CSMD1: variants seen among roughly 807,000 people sequenced by gnomAD.
The protein encoded by CSMD1 is CUB and sushi domain-containing protein 1.
CSMD1 carries 213 observed loss-of-function variants against 417.5 expected under a neutral mutation model. The ratio of observed to expected loss-of-function variants is 0.51; its 90% CI spans 0.46 to 0.57. CSMD1 has a LOEUF of 0.57. Among genes scored for constraint, CSMD1 ranks in the 20% least tolerant of loss-of-function variants. CSMD1 has a pLI of 0.00. For synonymous variants in CSMD1, 2,862 were observed against 1,736.8 expected, an observed-to-expected ratio of 1.65 and a Z score of -16.11; for missense variants, 6,923 against 4,529.7, an observed-to-expected ratio of 1.53 and a Z score of -15.17.
At chr8:3,850,228 CAAAA>C (rs1370646592) in intron 5 of CSMD1, among the ~76,000 whole-genome samples, 10 of 152,308 alleles carry the variant, frequency 6.6e-5, no homozygotes, top group African/African-American at 2.4e-4. Context: ...AGGCTCCAAA[CAAAA>C]GAATAAAAAA....
chr8:4,592,047 T>A (rs897411067), intron 2 of CSMD1, among the ~76,000 whole-genome samples: 16 of 152,076 alleles, frequency 1.1e-4, no homozygotes, highest in Admixed American at 4.6e-4. Context: ...TATGGACCAT[T>A]GCATCTGAGG....
At chr8:4,604,600 G>T (rs1056771994) in intron 2 of CSMD1, among the ~76,000 whole-genome samples, 6 of 152,122 alleles carry the variant, frequency 3.9e-5, no homozygotes, top group African/African-American at 1.4e-4. Context: ...GCTTAAAAAT[G>T]TTAAAAAGTG....
At chr8:4,200,377 C>T (rs186610687) in intron 3 of CSMD1, among the ~76,000 whole-genome samples, 46 of 151,990 alleles carry the variant, frequency 3.0e-4, no homozygotes, top group African/African-American at 9.7e-4. Flanking sequence ...AAAAGAAATA[C>T]AACTTTAAAA....
chr8:4,916,095 G>C (rs1328432457), intron 1 of CSMD1, among the ~76,000 whole-genome samples: 1 of 152,210 alleles, frequency 6.6e-6, no homozygotes, highest in African/African-American at 2.4e-5. Flanking sequence ...ATGCCAGAAA[G>C]ACAGGTGGTG....
chr8:4,230,149 C>A (rs183325149), intron 3 of CSMD1, among the ~76,000 whole-genome samples: 1 of 152,248 alleles, frequency 6.6e-6, no homozygotes, highest in South Asian at 2.1e-4. Flanking sequence ...TGACATATTG[C>A]AGTGCTGGGT....
intron 49 of CSMD1, among the ~76,000 whole-genome samples, chr8:3,071,085 A>G (rs1209817690): frequency 1.3e-5 from 2 of 152,140 alleles, no homozygotes; most frequent in Non-Finnish European, 2.9e-5. Flanking sequence ...GGGATGCCAC[A>G]CACCCAGGTC....
chr8:4,281,862 A>T (rs1047457193), intron 3 of CSMD1, among the ~76,000 whole-genome samples: 1 of 152,182 alleles, frequency 6.6e-6, no homozygotes, highest in African/African-American at 2.4e-5. Context: ...AACATGCATT[A>T]AAAAAATGTT....
intron 15 of CSMD1, among the ~76,000 whole-genome samples, chr8:3,402,472 A>T (rs905225468): frequency 6.6e-6 from 1 of 152,180 alleles, no homozygotes; most frequent in Non-Finnish European, 1.5e-5. Flanking sequence ...GAGGAATACG[A>T]GCCTGTTAGA....
At chr8:3,202,521 G>T (rs1407137672) in intron 31 of CSMD1, among the ~76,000 whole-genome samples, 1 of 152,172 alleles carries the variant, frequency 6.6e-6, no homozygotes, top group Non-Finnish European at 1.5e-5. Context: ...TATTCAGATT[G>T]ACGATACAGA....
At chr8:4,033,588 A>C (rs1241913432) in intron 3 of CSMD1, among the ~76,000 whole-genome samples, 13 of 152,226 alleles carry the variant, frequency 8.5e-5, no homozygotes, top group Admixed American at 8.5e-4. Flanking sequence ...TACAATGTGT[A>C]AAACTAAGTT....
At chr8:3,915,056 G>C (rs567111191) in intron 5 of CSMD1, among the ~76,000 whole-genome samples, 166 of 152,210 alleles carry the variant, frequency 1.1e-3, no homozygotes, top group East Asian at 2.3e-3. Flanking sequence ...TACAGGCAGG[G>C]AATAGTTATT....
At chr8:4,045,536 G>A (rs2554558) in intron 3 of CSMD1, among the ~76,000 whole-genome samples, 1 of 151,932 alleles carries the variant, frequency 6.6e-6, no homozygotes, top group African/African-American at 2.4e-5. Context: ...CCTGTGGGCA[G>A]CAGATGCTGT....
intron 1 of CSMD1, among the ~76,000 whole-genome samples, chr8:4,924,581 G>A (rs1443023098): frequency 6.6e-6 from 1 of 151,898 alleles, no homozygotes; most frequent in African/African-American, 2.4e-5. Context: ...AATTAGCCTG[G>A]TGTGGTGGCC....
intron 2 of CSMD1, among the ~76,000 whole-genome samples, chr8:4,435,059 T>C (rs1798077728): frequency 6.6e-6 from 1 of 152,098 alleles, no homozygotes; most frequent in African/African-American, 2.4e-5. Context: ...ATAGTTTGTG[T>C]GTAATATATC....
intron 3 of CSMD1, among the ~76,000 whole-genome samples, chr8:4,134,106 C>T (rs1803274262): frequency 1.3e-5 from 2 of 151,990 alleles, no homozygotes; most frequent in African/African-American, 4.8e-5. Context: ...ATCAATATTG[C>T]TGGTATAAGA....
rs182022786 is a variant in CSMD1, at chr8:3,675,068, C to T, written c.1009+33346G>A. Among the ~76,000 whole-genome samples, 7 of 152,270 alleles carry T rather than the reference C, an allele frequency of 4.6e-5. No individual in the cohort carries two copies. The South Asian group carries it at 6.2e-4, about 14-fold the overall frequency. On this transcript the variant is annotated intron_variant, in intron 7 of 69. Coordinates refer to ENST00000635120, the MANE Select transcript of CSMD1 (RefSeq NM_033225.6). Reference sequence around the variant, plus strand: ...TAATATCCACCTTTTGGAAACCTGACGAATACCGTCGACCATAAAACGCCA... The same window carrying T: ...TAATATCCACCTTTTGGAAACCTGATGAATACCGTCGACCATAAAACGCCA...
At chr8:4,339,164 T>G (rs538830564) in intron 3 of CSMD1, among the ~76,000 whole-genome samples, 6 of 152,198 alleles carry the variant, frequency 3.9e-5, no homozygotes, top group South Asian at 2.1e-4. Flanking sequence ...GAAAATAAAT[T>G]CTTGAGCCAG....
intron 2 of CSMD1, among the ~76,000 whole-genome samples, chr8:4,432,503 C>G (rs1797925579): frequency 6.6e-6 from 1 of 152,150 alleles, no homozygotes; most frequent in South Asian, 2.1e-4. Context: ...CTACTAACTG[C>G]TGGTAAATGC....
intron 5 of CSMD1, among the ~76,000 whole-genome samples, chr8:3,907,429 T>G (rs535261789): frequency 6.6e-6 from 1 of 152,294 alleles, no homozygotes; most frequent in African/African-American, 2.4e-5. Context: ...CTTAGAATTT[T>G]TAGAGATAAA....
Sources: allele counts gnomAD v4.1 joint callset (sites outside exome capture counted in the v4.1 genomes callset), GRCh38; gene constraint gnomAD v4.1.1; transcripts MANE v1.5; gene names NCBI Gene and HGNC (gene_info 2026-07-23, HGNC 2026-07-21).